The following INVS variants were observed in gnomAD, a reference collection of about 807,000 sequenced individuals.
INVS encodes inversin, also known as inversion of embryo turning homolog.
A neutral mutation model predicts 108.8 loss-of-function variants in INVS; 86 were observed. The ratio of observed to expected loss-of-function variants is 0.79; its 90% confidence interval spans 0.66 to 0.95. The LOEUF is 0.95. Among genes scored for constraint, INVS ranks in the 40% least tolerant of loss-of-function variants. The probability of loss-of-function intolerance (pLI) is 0.00; values close to 1 mark genes in which losing one functional copy is unlikely to be tolerated. For synonymous variants in INVS, 455 were observed against 473.5 expected (o/e 0.96, Z 0.51); for missense variants, 1,169 against 1,297.4 (o/e 0.90, Z 1.52).
intron 1 of INVS, among the ~76,000 whole-genome samples, chr9:100,100,913 TATATGTATATATATA>T (rs1826924258): frequency 2.4e-5 from 1 of 42,446 alleles, no homozygotes; most frequent in African/African-American, 1.7e-4. Flanking sequence ...GTATATATAT[TATATGTATATATATA>T]ATATATATAA....
intron 3 of INVS, among the ~76,000 whole-genome samples, chr9:100,159,718 A>G (rs1829109131): frequency 6.6e-6 from 1 of 152,210 alleles, no homozygotes; most frequent in African/African-American, 2.4e-5. Flanking sequence ...TCTGAGTTAT[A>G]CTAATAACTA....
chr9:100,296,385 T>A (rs1329624989), intron 14 of INVS, among the ~76,000 whole-genome samples: 2 of 152,148 alleles, frequency 1.3e-5, no homozygotes, highest in Non-Finnish European at 2.9e-5. Flanking sequence ...GCTCATACCT[T>A]TACCACTCTA....
At chr9:100,187,293 C>G (rs143629100) in intron 3 of INVS, among the ~76,000 whole-genome samples, 1 of 152,000 alleles carries the variant, frequency 6.6e-6, no homozygotes, top group Admixed American at 6.6e-5. Flanking sequence ...AATTGTGATG[C>G]CTCCAGATTT....
chr9:100,102,051 T>A (rs1184648006), intron 1 of INVS: 5 of 152,234 alleles, frequency 3.3e-5, no homozygotes, highest in Admixed American at 6.5e-5. Context: ...ACTCTTGTGA[T>A]AGGGATCTCA....
At chr9:100,222,112 T>C in intron 3 of INVS, among the ~76,000 whole-genome samples, 1 of 152,198 alleles carries the variant, frequency 6.6e-6, no homozygotes, top group East Asian at 1.9e-4. Context: ...CTGTGTATAT[T>C]ACAATCAGAT....
intron 3 of INVS, among the ~76,000 whole-genome samples, chr9:100,223,225 G>A (rs1461259333): frequency 2.0e-5 from 3 of 151,764 alleles, no homozygotes; most frequent in Non-Finnish European, 4.4e-5. Context: ...CTCCCGAGTA[G>A]CTGGAACCAC....
chr9:100,287,326 A>G (rs1279434312), intron 13 of INVS, among the ~76,000 whole-genome samples: 1 of 152,228 alleles, frequency 6.6e-6, no homozygotes, highest in Non-Finnish European at 1.5e-5. Flanking sequence ...GAATTTGCAC[A>G]CATTATATTG....
At chr9:100,143,602 A>G (rs1828502884) in intron 3 of INVS, among the ~76,000 whole-genome samples, 2 of 152,064 alleles carry the variant, frequency 1.3e-5, no homozygotes, top group African/African-American at 4.8e-5. Context: ...AAAGGCAGCG[A>G]TGAGGTGTGG....
intron 3 of INVS, among the ~76,000 whole-genome samples, chr9:100,141,974 GA>G (rs1828446514): frequency 6.6e-6 from 1 of 152,196 alleles, no homozygotes; most frequent in South Asian, 2.1e-4. Flanking sequence ...TTCAGTGGGG[GA>G]GTAGGTGGGA....
intron 3 of INVS, among the ~76,000 whole-genome samples, chr9:100,183,716 A>G (rs1358365336): frequency 6.8e-6 from 1 of 147,110 alleles, no homozygotes; most frequent in Non-Finnish European, 1.5e-5. Flanking sequence ...GCTTGAGTCC[A>G]GGAGGCAGAG....
In INVS at chr9:100,302,074, G is replaced by C; in HGVS notation, c.*1400G>C. On this transcript the variant is annotated 3_prime_UTR_variant, in exon 17 of 17. Transcript: ENST00000262457. ...TCATATATCAGTGCAAAGAAAGAAGGTTCGTAAACTTCTTTAAAAGTTCAG... is the reference window on the plus strand; with the variant it reads ...TCATATATCAGTGCAAAGAAAGAAGCTTCGTAAACTTCTTTAAAAGTTCAG... 1 of 596,060 alleles carries C rather than the reference G, an allele frequency of 1.7e-6. No individual in the cohort carries two copies. The highest frequency in any genetic ancestry group is 3.8e-5 in the South Asian group (1 of 25,986). The allele number at this position is 596,060 out of a possible 1,614,324, so 36.9% of individuals were successfully genotyped here. A position where few individuals can be genotyped will look rare whatever the true frequency, so the allele number is the denominator to read the frequency against.
chr9:100,110,692 T>C (rs1160138145), intron 2 of INVS, among the ~76,000 whole-genome samples: 1 of 152,214 alleles, frequency 6.6e-6, no homozygotes, highest in Non-Finnish European at 1.5e-5. Flanking sequence ...AAACCAGTTA[T>C]ATTGAAATAT....
intron 2 of INVS, among the ~76,000 whole-genome samples, chr9:100,107,849 C>T (rs1827226725): frequency 6.6e-6 from 1 of 152,128 alleles, no homozygotes; most frequent in South Asian, 2.1e-4. Context: ...ATCACTAAAT[C>T]CACAAAATCC....
intron 3 of INVS, among the ~76,000 whole-genome samples, chr9:100,134,274 T>A (rs1408297126): frequency 6.6e-6 from 1 of 152,224 alleles, no homozygotes; most frequent in Non-Finnish European, 1.5e-5. Context: ...GTTAATTCAT[T>A]CCTTTTTAAG....
chr9:100,185,558 T>TATATATATATATATATA (rs1830033779), intron 3 of INVS, among the ~76,000 whole-genome samples: 17 of 136,546 alleles, frequency 1.2e-4, no homozygotes, highest in South Asian at 4.7e-4. Flanking sequence ...TATATATATA[T>TATATATATATATATATA]TCATTTTAGT....
At chr9:100,118,623 A>G (rs1264982959) in intron 2 of INVS, among the ~76,000 whole-genome samples, 2 of 152,126 alleles carry the variant, frequency 1.3e-5, no homozygotes, top group South Asian at 2.1e-4. Flanking sequence ...GTTTTTGTAT[A>G]TGTTTTTGTT....
intron 6 of INVS, among the ~76,000 whole-genome samples, chr9:100,242,167 C>T (rs528850679): frequency 1.3e-5 from 2 of 152,284 alleles, no homozygotes; most frequent in South Asian, 4.1e-4. Context: ...TTATGCAGTT[C>T]TGTTTGGTTG....
chr9:100,224,153 G>A (rs770723993), intron 3 of INVS, among the ~76,000 whole-genome samples: 8 of 152,210 alleles, frequency 5.3e-5, no homozygotes, highest in Admixed American at 1.3e-4. Flanking sequence ...GCCAGGTGCC[G>A]CGGTGTGGAC....
At chr9:100,222,813 G>A (rs1399656013) in intron 3 of INVS, among the ~76,000 whole-genome samples, 2 of 150,578 alleles carry the variant, frequency 1.3e-5, no homozygotes, top group African/African-American at 4.9e-5. Flanking sequence ...GTTTTTCCTG[G>A]GCAAACTTTT....
Sources: allele counts gnomAD v4.1 joint callset (sites outside exome capture counted in the v4.1 genomes callset), GRCh38; gene constraint gnomAD v4.1.1; transcripts MANE v1.5; gene names NCBI Gene and HGNC (gene_info 2026-07-23, HGNC 2026-07-21).